The following IFT122 variants were observed in gnomAD, a reference collection of about 807,000 sequenced individuals.
The protein encoded by IFT122 is intraflagellar transport 122.
In IFT122, 118 loss-of-function variants were observed where a neutral mutation model predicts 161.6. That is an observed-to-expected ratio of 0.73 (90% CI 0.63 to 0.85). The LOEUF is 0.85. Ranked by LOEUF, IFT122 falls within the 40% of genes least tolerant of loss-of-function variation. The probability of loss-of-function intolerance (pLI) is 0.00; values close to 1 mark genes in which losing one functional copy is unlikely to be tolerated. For missense variants in IFT122, 1,381 were observed against 1,579.6 expected (o/e 0.87, Z 2.13); for synonymous variants, 550 against 602.4 (o/e 0.91, Z 1.27).
intron 11 of IFT122, 65 bp downstream of exon 11, chr3:129,476,866 AG>A: frequency 6.3e-7 from 1 of 1,599,488 alleles, no homozygotes; most frequent in Admixed American, 1.7e-5. Flanking sequence ...GGCTGGTGAC[AG>A]GGCACTTGAA....
chr3:129,466,859 G>A (rs1395501781), intron 7 of IFT122, 31 bp from the exon 8 acceptor site: 2 of 1,600,288 alleles, frequency 1.2e-6, no homozygotes, highest in African/African-American at 2.7e-5. Flanking sequence ...TCTAGGCAAT[G>A]TAATTTTGAA....
At chr3:129,482,159 G>A (rs2078737021) in intron 14 of IFT122, among the ~76,000 whole-genome samples, 1 of 152,240 alleles carries the variant, frequency 6.6e-6, no homozygotes, top group African/African-American at 2.4e-5. Flanking sequence ...GGAAGGGGAT[G>A]GGCAAGCCTG....
chr3:129,506,699 G>A (rs2082227202), intron 22 of IFT122, 150 bp downstream of exon 22: 1 of 1,169,216 alleles, frequency 8.6e-7, no homozygotes, highest in South Asian at 1.2e-5. Flanking sequence ...GCGTAATCTG[G>A]TGTATCATCT....
chr3:129,454,538 T>TGTGTGTGTGTGTGC (rs2075244896), intron 3 of IFT122, among the ~76,000 whole-genome samples: 1 of 151,304 alleles, frequency 6.6e-6, no homozygotes, highest in African/African-American at 2.4e-5. Flanking sequence ...TGTGTGTGTG[T>TGTGTGTGTGTGTGC]GTGTGTGTGT....
At chr3:129,506,278 G>A in intron 21 of IFT122, 131 bp from the exon 22 acceptor site, 1 of 991,886 alleles carries the variant, frequency 1.0e-6, no homozygotes, top group Non-Finnish European at 1.6e-6. Flanking sequence ...CAGCAACGAA[G>A]CACTGCAGAT....
intron 26 of IFT122, among the ~76,000 whole-genome samples, chr3:129,515,978 CCACACACACACACAGA>C (rs1490538326): frequency 6.6e-6 from 1 of 151,276 alleles, no homozygotes; most frequent in African/African-American, 2.4e-5. Context: ...TGAGCAGAGG[CCACACACACACACAGA>C]CACACACGCA....
chr3:129,447,100 A>G (rs534835449), intron 1 of IFT122, among the ~76,000 whole-genome samples: 1 of 152,278 alleles, frequency 6.6e-6, no homozygotes, highest in Non-Finnish European at 1.5e-5. Context: ...TTTCAGTCAA[A>G]TTAAATTATT....
intron 12 of IFT122, among the ~76,000 whole-genome samples, chr3:129,478,557 C>T (rs750343242): frequency 7.6e-4 from 115 of 152,278 alleles, no homozygotes; most frequent in Non-Finnish European, 1.5e-3. Flanking sequence ...CAAGCTCAAG[C>T]GGTCTTCCTC....
At chr3:129,469,277 C>T (rs1280992162) in intron 8 of IFT122, 65 bp from the exon 9 acceptor site, 1 of 1,362,322 alleles carries the variant, frequency 7.3e-7, no homozygotes, top group African/African-American at 1.4e-5. Flanking sequence ...TTGTTTAAGC[C>T]CTTAGAGCTA....
chr3:129,446,405 C>T (rs145501141), intron 1 of IFT122, among the ~76,000 whole-genome samples: 227 of 136,080 alleles, frequency 1.7e-3, no homozygotes, highest in African/African-American at 5.9e-3. Context: ...TTTGTAGAGA[C>T]GGGGTTTCAC....
chr3:129,497,054 G>A (rs947049906), intron 18 of IFT122, among the ~76,000 whole-genome samples: 5 of 152,192 alleles, frequency 3.3e-5, no homozygotes, highest in Admixed American at 1.3e-4. Context: ...GCTGAAGTGG[G>A]TGGATTGCTT....
intron 18 of IFT122, among the ~76,000 whole-genome samples, chr3:129,496,662 A>G (rs538151438): frequency 2.0e-5 from 3 of 152,196 alleles, no homozygotes; most frequent in East Asian, 1.9e-4. Flanking sequence ...CCTATTGTTC[A>G]TCAGGACTTG....
intron 26 of IFT122, 89 bp from the exon 27 acceptor site, chr3:129,517,380 A>G (rs1253025910): frequency 6.4e-7 from 1 of 1,568,616 alleles, no homozygotes; most frequent in Non-Finnish European, 8.7e-7. Context: ...CAGTGGGTTG[A>G]GAAGCAACTC....
rs1227044500 is a variant in IFT122 at position 129,481,662 on chromosome 3, T to C, written c.1621T>C (p.Tyr541His). Residue 541 changes from tyrosine (Y) to histidine (H), a missense_variant, in exon 14 of 30, where the codon TAT (tyrosine) becomes CAT (histidine). Tyr to His is a moderately conservative substitution (Grantham distance 83). Coordinates refer to ENST00000348417, the MANE Select transcript of IFT122 (RefSeq NM_052989.3). ...VVDENDTCLV[Y>H]DIDTKELLFQ... ...AGATGAAAATGACACTTGCCTGGTG[T>C]ATGACATCGACACCAAGGAGCTGCT... The C allele has an allele frequency of 1.9e-6, 3 of 1,614,128 alleles. No homozygotes were observed. The highest frequency in any genetic ancestry group is 2.5e-6 in the Non-Finnish European group (3 of 1,179,954).
At chr3:129,450,638 A>C (rs945975184) in intron 2 of IFT122, among the ~76,000 whole-genome samples, 5 of 151,588 alleles carry the variant, frequency 3.3e-5, no homozygotes, top group African/African-American at 1.2e-4. Context: ...GTTTTTCTAC[A>C]TAGGTTATCT....
At chr3:129,499,014 G>A (rs1033145481) in intron 18 of IFT122, among the ~76,000 whole-genome samples, 16 of 152,204 alleles carry the variant, frequency 1.1e-4, no homozygotes, top group African/African-American at 3.9e-4. Flanking sequence ...CACTTCAGAG[G>A]TATGCTGAGG....
intron 3 of IFT122, chr3:129,456,361 G>A (rs1229803434): frequency 1.5e-5 from 15 of 983,360 alleles, no homozygotes; most frequent in South Asian, 1.7e-5. Flanking sequence ...GTACTTGGCC[G>A]GGTGTGGTGG....
intron 26 of IFT122, among the ~76,000 whole-genome samples, chr3:129,517,195 A>G (rs112493154): frequency 8.9e-5 from 11 of 123,578 alleles, no homozygotes; most frequent in South Asian, 2.6e-4. Context: ...GACTGCCCCT[A>G]CACACACACA....
chr3:129,471,532 G>C (rs1559894688), intron 9 of IFT122, among the ~76,000 whole-genome samples: 1 of 152,186 alleles, frequency 6.6e-6, no homozygotes, highest in Non-Finnish European at 1.5e-5. Flanking sequence ...ATGGGGTCTT[G>C]TTGCTATGGC....
Sources: gnomAD v4.1 joint callset for allele counts (sites outside exome capture counted in the v4.1 genomes callset) on GRCh38, gnomAD v4.1.1 for gene constraint, MANE v1.5 for transcripts, NCBI Gene and HGNC (gene_info 2026-07-23, HGNC 2026-07-21) for gene names.